RAB3GAP1: variants seen among roughly 807,000 people sequenced by gnomAD.
RAB3GAP1 encodes RAB3 GTPase activating protein catalytic subunit 1, also known as rab3 GTPase-activating protein catalytic subunit.
In RAB3GAP1, 86 loss-of-function variants were observed where a neutral mutation model predicts 130.7. The ratio of observed to expected loss-of-function variants is 0.66; its 90% CI spans 0.55 to 0.79. The LOEUF (loss-of-function observed/expected upper bound fraction) is 0.79. Among genes scored for constraint, RAB3GAP1 ranks in the 30% least tolerant of loss-of-function variants. The pLI, the probability that RAB3GAP1 is intolerant of heterozygous loss-of-function variation, is 0.00. For missense variants in RAB3GAP1, 1,029 were observed against 1,169.4 expected (o/e 0.88, Z 1.75); for synonymous variants, 367 against 401.7 (o/e 0.91, Z 1.03).
At chr2:135,166,695 C>T (rs897586080) in intron 23 of RAB3GAP1, among the ~76,000 whole-genome samples, 3 of 151,872 alleles carry the variant, frequency 2.0e-5, no homozygotes, top group African/African-American at 7.3e-5. Flanking sequence ...TCTCACTACC[C>T]ATTGATGATT....
rs1691652274 is a variant in RAB3GAP1 at position 135,135,492 on chromosome 2, A to C, written c.1555-72A>C. 3.4e-6 allele frequency: 5 copies of C among 1,489,954 alleles called. No homozygotes were observed. The South Asian group carries it at 4.8e-5, about 14-fold the overall frequency. 92.3% of individuals were successfully genotyped at this position (1,489,954 alleles called of 1,614,324 possible). On this transcript the variant is annotated intron_variant, in intron 16 of 23. Coordinates refer to ENST00000264158, the MANE Select transcript of RAB3GAP1 (RefSeq NM_012233.3). The stretch of plus-strand genomic sequence containing the variant: ...GAGAAGTGGAGAGTGAAAATTAAAT[A>C]TTCAAGCAGTAGGTAGATTTTTATT...
In RAB3GAP1 at chr2:135,098,253, G is replaced by T. The variant is rs1041595380; in HGVS notation, c.362+4560G>T. On this transcript the variant is annotated intron_variant, in intron 5 of 23. Coordinates refer to ENST00000264158, the MANE Select transcript of RAB3GAP1 (RefSeq NM_012233.3). ...TCTTACTGTAAAGTTTTGAGAGTTC[G>T]TTGTATACTTTGGATGTAAATCTTT... is the stretch of plus-strand genomic sequence containing the variant. 2.6e-5 allele frequency among the ~76,000 whole-genome samples: 4 copies of T among 152,022 alleles called. No homozygotes were observed. The East Asian group carries it at 7.7e-4, about 29-fold the overall frequency.
chr2:135,087,293 C>T (rs1690015620), intron 3 of RAB3GAP1, among the ~76,000 whole-genome samples: 2 of 152,288 alleles, frequency 1.3e-5, no homozygotes, highest in Non-Finnish European at 2.9e-5. Flanking sequence ...CTATACTATA[C>T]TGTCTTAATT....
intron 5 of RAB3GAP1, among the ~76,000 whole-genome samples, chr2:135,101,776 A>G (rs775665284): frequency 5.9e-5 from 9 of 151,646 alleles, no homozygotes; most frequent in Non-Finnish European, 7.4e-5. Context: ...TGATATACCT[A>G]TCCTTTAAAT....
At chr2:135,175,721 G>C (rs1692987022) in intron 24 of RAB3GAP1, 1 of 152,180 alleles carries the variant, frequency 6.6e-6, no homozygotes, top group Non-Finnish European at 1.5e-5. Flanking sequence ...TCTCAGGACA[G>C]AACTTGGCAA....
At position 135,169,974 on chromosome 2, in the gene RAB3GAP1, T is replaced by TA. The variant is rs200869351; in HGVS notation, c.*1208dup. ...AGCTGTGCAAACCCTGTTATTTTTGTAAAAAAAAAAAAAAATACATATCTA... is the reference window on the plus strand; with the variant it reads ...AGCTGTGCAAACCCTGTTATTTTTGTAAAAAAAAAAAAAAAATACATATCTA... On this transcript the variant is annotated 3_prime_UTR_variant, in exon 24 of 24. Coordinates refer to ENST00000264158, the MANE Select transcript of RAB3GAP1 (RefSeq NM_012233.3). 9.9e-3 allele frequency: 2,135 copies of TA among 215,190 alleles called. 5 individuals carry two copies. The highest frequency in any genetic ancestry group is 0.014 in the South Asian group (244 of 17,390). The allele number at this position is 215,190 out of a possible 1,614,324, so 13.3% of individuals were successfully genotyped here.
chr2:135,063,080 T>C (rs1689221960), intron 3 of RAB3GAP1, among the ~76,000 whole-genome samples: 1 of 152,210 alleles, frequency 6.6e-6, no homozygotes, highest in Non-Finnish European at 1.5e-5. Context: ...CCTTGCCCTC[T>C]TTAAATGTGA....
At chr2:135,134,108 TC>T (rs1475229324) in intron 15 of RAB3GAP1, 75 bp downstream of exon 15, 3 of 1,559,990 alleles carry the variant, frequency 1.9e-6, no homozygotes, top group Non-Finnish European at 2.6e-6. Context: ...ACCTATTTTT[TC>T]CCCCTTCTAG....
At chr2:135,086,661 CTTTTTTTTTT>C (rs59270938) in intron 3 of RAB3GAP1, among the ~76,000 whole-genome samples, 6 of 65,068 alleles carry the variant, frequency 9.2e-5, no homozygotes, top group African/African-American at 2.6e-4. Context: ...TTCCCCTAAT[CTTTTTTTTTT>C]TTTTTTTTTT....
At chr2:135,094,438 A>G (rs929180379) in intron 5 of RAB3GAP1, among the ~76,000 whole-genome samples, 4 of 152,146 alleles carry the variant, frequency 2.6e-5, no homozygotes, top group African/African-American at 9.7e-5. Context: ...ACAACAAATT[A>G]TTGTTAACTA....
intron 7 of RAB3GAP1, among the ~76,000 whole-genome samples, chr2:135,116,829 T>C (rs928755294): frequency 1.3e-5 from 2 of 152,190 alleles, no homozygotes; most frequent in African/African-American, 2.4e-5. Flanking sequence ...TGGGTGTTCA[T>C]TATACTAGTT....
rs780252062 is a variant in RAB3GAP1, at chr2:135,153,658, C to T, written c.2071C>T (p.Pro691Ser). 1.2e-6 allele frequency: 2 copies of T among 1,613,832 alleles called. No individual in the cohort carries two copies. The highest frequency in any genetic ancestry group is 3.3e-5 in the Admixed American group (2 of 60,004). ...TTTTGTCTTATTTTAGGCAGCTAATCCAGGTTGCTCCCTGGAAGATTTTGT... is the reference window on the plus strand; with the variant it reads ...TTTTGTCTTATTTTAGGCAGCTAATTCAGGTTGCTCCCTGGAAGATTTTGT... Reference protein sequence around the residue: ...SDMESFKAANPGCSLEDFVRW... With the variant: ...SDMESFKAANSGCSLEDFVRW... The change falls in exon 19 of 24, where the codon CCA becomes TCA. Residue 691 changes from proline (P) to serine (S), a missense_variant. Physicochemically the swap from Pro to Ser is moderately conservative, Grantham distance 74 (BLOSUM62 -1). Coordinates refer to ENST00000264158, the MANE Select transcript of RAB3GAP1 (RefSeq NM_012233.3).
intron 5 of RAB3GAP1, among the ~76,000 whole-genome samples, chr2:135,096,519 T>G (rs1690298407): frequency 6.6e-6 from 1 of 152,174 alleles, no homozygotes; most frequent in Non-Finnish European, 1.5e-5. Flanking sequence ...TAAATTTAAT[T>G]TAATCCTTCC....
intron 18 of RAB3GAP1, among the ~76,000 whole-genome samples, chr2:135,150,835 C>G (rs1692152366): frequency 6.6e-6 from 1 of 152,182 alleles, no homozygotes; most frequent in Non-Finnish European, 1.5e-5. Flanking sequence ...ACATGGGTCA[C>G]TTCACTCAAT....
At chr2:135,111,005 T>A (rs1690788232) in intron 5 of RAB3GAP1, among the ~76,000 whole-genome samples, 1 of 152,208 alleles carries the variant, frequency 6.6e-6, no homozygotes, top group African/African-American at 2.4e-5. Context: ...TCAAAGATCT[T>A]TAGAGCTCAA....
At chr2:135,120,966 A>G (rs1268523562) in intron 8 of RAB3GAP1, 48 bp downstream of exon 8, 1 of 1,265,378 alleles carries the variant, frequency 7.9e-7, no homozygotes, top group Non-Finnish European at 1.2e-6. Flanking sequence ...TAAATGGAAA[A>G]GAAGATACAT....
intron 3 of RAB3GAP1, among the ~76,000 whole-genome samples, chr2:135,078,696 TCCCCTCC>T (rs1159684883): frequency 5.7e-5 from 3 of 52,548 alleles, no homozygotes; most frequent in African/African-American, 2.6e-4. Context: ...TCCCCTGCCC[TCCCCTCC>T]CCTCTCCTTT....
chr2:135,171,492 C>A (rs1692853599), downstream of RAB3GAP1, among the ~76,000 whole-genome samples: 2 of 152,170 alleles, frequency 1.3e-5, no homozygotes, highest in Admixed American at 1.3e-4. Flanking sequence ...GTGCCTGAGA[C>A]CGTGCTCCTA....
At chr2:135,121,051 ATAT>A (rs1691184147) in intron 8 of RAB3GAP1, 133 bp downstream of exon 8, 1 of 758,958 alleles carries the variant, frequency 1.3e-6, no homozygotes, top group Non-Finnish European at 2.2e-6. Context: ...TTTAAATGTA[ATAT>A]TATTGCTTTC....
Sources: gnomAD v4.1 joint callset for allele counts (sites outside exome capture counted in the v4.1 genomes callset) on GRCh38, gnomAD v4.1.1 for gene constraint, MANE v1.5 for transcripts, NCBI Gene and HGNC (gene_info 2026-07-23, HGNC 2026-07-21) for gene names.